The following POLR1B variants were observed in gnomAD, a reference collection of about 807,000 sequenced individuals.
The protein encoded by POLR1B is RNA polymerase I subunit B.
Under a neutral mutation model 105.8 loss-of-function variants are expected in POLR1B, and 30 were observed. That is an observed-to-expected ratio of 0.28 (90% confidence interval 0.21 to 0.38). The LOEUF (loss-of-function observed/expected upper bound fraction) is 0.38. Ranked by LOEUF, POLR1B falls within the 10% of genes least tolerant of loss-of-function variation. The probability of loss-of-function intolerance (pLI) is 1.00; values close to 1 mark genes in which losing one functional copy is unlikely to be tolerated. For missense variants in POLR1B, 976 were observed against 1,435.8 expected (o/e 0.68, Z 5.17); for synonymous variants, 485 against 505.1 (o/e 0.96, Z 0.53).
chr2:112,543,321 T>A (rs535442157), intron 1 of POLR1B, among the ~76,000 whole-genome samples: 2 of 152,330 alleles, frequency 1.3e-5, no homozygotes, highest in South Asian at 4.1e-4. Flanking sequence ...CAGTCCCGTG[T>A]ACGAGACAGT....
At position 112,567,934 on chromosome 2, in the gene POLR1B, A is replaced by G. The variant is rs1684384206; in HGVS notation, c.1747-33A>G. On this transcript the variant is annotated intron_variant, in intron 10 of 14. Coordinates refer to ENST00000263331, the MANE Select transcript of POLR1B (RefSeq NM_019014.6). ...GCAGCGACAGCCATGGCCTTGGGAC[A>G]GGTTTGTTAAACTCTGTTTTTGTTA... 3.8e-6 allele frequency: 6 copies of G among 1,593,966 alleles called. No individual in the cohort carries two copies. In the East Asian group the frequency reaches 1.3e-4, roughly 36 times the overall value.
chr2:112,559,453 T>G lies in POLR1B; in HGVS notation c.1491T>G (p.Leu497=), dbSNP rs1312888428. ...RRLLPESWGF[L]CPVHTPDGEP... ...TGCTGCCAGAGTCCTGGGGCTTCCT[T>G]TGTCCCGTGCATACCCCAGACGGGG... The change falls in exon 9 of 15, where the codon CTT becomes CTG. Residue 497 remains leucine (L), a synonymous_variant. Coordinates refer to ENST00000263331, the MANE Select transcript of POLR1B (RefSeq NM_019014.6). 8 of 1,614,220 alleles carry G rather than the reference T, an allele frequency of 5.0e-6. No homozygotes were observed. The Admixed American group carries it at 1.3e-4, about 27-fold the overall frequency.
chr2:112,548,440 C>T lies in POLR1B; in HGVS notation c.493-827C>T, dbSNP rs185700825. 5.3e-5 allele frequency among the ~76,000 whole-genome samples: 8 copies of T among 152,208 alleles called. No homozygotes were observed. In the East Asian group the frequency reaches 1.4e-3, roughly 26 times the overall value. The stretch of plus-strand genomic sequence containing the variant: ...TATGCCTGTTTCATAGTAGGCAATT[C>T]GTAAATAGTAGCTGTTTATTACAGA... On this transcript the variant is annotated intron_variant, in intron 3 of 14. Coordinates refer to ENST00000263331, the MANE Select transcript of POLR1B (RefSeq NM_019014.6).
chr2:112,543,137 G>C (rs1322928371), intron 1 of POLR1B, among the ~76,000 whole-genome samples: 1 of 152,210 alleles, frequency 6.6e-6, no homozygotes, highest in Non-Finnish European at 1.5e-5. Context: ...GAATTAAGCA[G>C]GTGCCGAGGA....
chr2:112,547,294 C>T, intron 2 of POLR1B, 115 bp downstream of exon 2: 3 of 1,481,760 alleles, frequency 2.0e-6, no homozygotes, highest in Non-Finnish European at 1.8e-6. Context: ...TCTAAGAGAT[C>T]CCACCTTCTA....
chr2:112,573,446 G>A (rs935911490), intron 13 of POLR1B, 116 bp from the exon 14 acceptor site: 1 of 1,326,902 alleles, frequency 7.5e-7, no homozygotes, highest in Non-Finnish European at 1.0e-6. Context: ...TGGAAAATGT[G>A]AGGAAAGTTA....
intron 12 of POLR1B, among the ~76,000 whole-genome samples, 180 bp downstream of exon 12, chr2:112,569,082 G>A (rs1684455371): frequency 6.6e-6 from 1 of 152,056 alleles, no homozygotes; most frequent in African/African-American, 2.4e-5. Context: ...GTATTTAGTT[G>A]GCATGTCTAT....
At chr2:112,559,908 T>C (rs1022941343) in intron 9 of POLR1B, among the ~76,000 whole-genome samples, 1 of 152,048 alleles carries the variant, frequency 6.6e-6, no homozygotes, top group Non-Finnish European at 1.5e-5. Context: ...GGGATTACAG[T>C]TGTGAGCCAC....
chr2:112,579,744 T>C lies in POLR1B; in HGVS notation c.*4015T>C, dbSNP rs1257868910. On this transcript the variant is annotated 3_prime_UTR_variant, in exon 15 of 15. Transcript: ENST00000263331. ...AAATGTCTGCTGTTCATTTTTTAAT[T>C]GGATTGTTTGTCTTCTTACTGTTGA... 6.6e-6 allele frequency among the ~76,000 whole-genome samples: 1 copy of C among 152,248 alleles called. No individual in the cohort carries two copies. Among genetic ancestry groups the C allele is most frequent in the Non-Finnish European group, 1.5e-5 (1 of 68,040 alleles).
At chr2:112,557,147 A>T (rs538022740) in intron 7 of POLR1B, among the ~76,000 whole-genome samples, 4 of 152,220 alleles carry the variant, frequency 2.6e-5, no homozygotes, top group Admixed American at 2.6e-4. Context: ...TTAGCCAGGC[A>T]TGGTGGCACA....
At chr2:112,546,914 A>G in intron 1 of POLR1B, 98 bp from the exon 2 acceptor site, 1 of 1,309,276 alleles carries the variant, frequency 7.6e-7, no homozygotes, top group Non-Finnish European at 1.1e-6. Flanking sequence ...GTGGCATCAC[A>G]GGCATCAATG....
chr2:112,560,053 G>C (rs13033112), intron 9 of POLR1B, among the ~76,000 whole-genome samples: 39,682 of 151,626 alleles, frequency 0.26, 5,642 homozygotes, highest in African/African-American at 0.37. Context: ...CTCCTCTGTA[G>C]AAGGCCGAAT....
Position 112,579,208 on chromosome 2 carries a change from C to CAAAAAAAAAAAA in POLR1B, c.*3500_*3511dup, listed in dbSNP as rs56190123. 1.5e-4 allele frequency among the ~76,000 whole-genome samples: 9 copies of CAAAAAAAAAAAA among 58,692 alleles called. No individual in the cohort carries two copies. The highest frequency in any genetic ancestry group is 2.1e-4 in the African/African-American group (3 of 14,098). The allele number at this position is 58,692 out of a possible 152,430, so 38.5% of individuals were successfully genotyped here. On this transcript the variant is annotated 3_prime_UTR_variant, in exon 15 of 15. Transcript: ENST00000263331. ...GGGCAACAGAGCAAGACTAGAGTCTCAAAAAAAAAAAAAAAAAAAAAAAAA... is the reference window on the plus strand; with the variant it reads ...GGGCAACAGAGCAAGACTAGAGTCTCAAAAAAAAAAAAAAAAAAAAAAAAAAAAAAAAAAAAA...
intron 4 of POLR1B, among the ~76,000 whole-genome samples, 157 bp downstream of exon 4, chr2:112,549,556 C>T (rs777053930): frequency 1.4e-5 from 2 of 140,782 alleles, no homozygotes; most frequent in Non-Finnish European, 1.5e-5. Flanking sequence ...AGGCTGATCT[C>T]GAACTCTTGG....
At chr2:112,551,389 C>CAACT (rs983175395) in intron 5 of POLR1B, among the ~76,000 whole-genome samples, 4 of 152,196 alleles carry the variant, frequency 2.6e-5, no homozygotes, top group Non-Finnish European at 5.9e-5. Flanking sequence ...CTGCTTGAGG[C>CAACT]AACTGTCTTC....
At chr2:112,553,657 G>A (rs1683492057) in intron 7 of POLR1B, 1 of 151,982 alleles carries the variant, frequency 6.6e-6, no homozygotes, top group Non-Finnish European at 1.5e-5. Context: ...GCACTGAAGC[G>A]CTGTCTAGTG....
intron 14 of POLR1B, 93 bp downstream of exon 14, chr2:112,573,908 G>A (rs1558666920): frequency 1.4e-6 from 2 of 1,455,884 alleles, no homozygotes; most frequent in South Asian, 1.3e-5. Context: ...GTGCAGTGGA[G>A]TGATCTCAGC....
intron 12 of POLR1B, among the ~76,000 whole-genome samples, chr2:112,569,972 A>G (rs1405064439): frequency 2.0e-5 from 3 of 151,256 alleles, no homozygotes; most frequent in Non-Finnish European, 4.4e-5. Flanking sequence ...AGTTATTCAT[A>G]TATTTAAACC....
intron 14 of POLR1B, among the ~76,000 whole-genome samples, chr2:112,574,389 A>C (rs981369655): frequency 2.6e-5 from 4 of 152,138 alleles, no homozygotes; most frequent in African/African-American, 9.7e-5. Context: ...AGCTCTATTC[A>C]TACCATCTCT....
Sources: gnomAD v4.1 joint callset for allele counts (sites outside exome capture counted in the v4.1 genomes callset) on GRCh38, gnomAD v4.1.1 for gene constraint, MANE v1.5 for transcripts, NCBI Gene and HGNC (gene_info 2026-07-23, HGNC 2026-07-21) for gene names.